The following KCMF1 variants were observed in gnomAD, a reference collection of about 807,000 sequenced individuals.
The protein encoded by KCMF1 is E3 ubiquitin-protein ligase KCMF1.
A neutral mutation model predicts 41.1 loss-of-function variants in KCMF1; 3 were observed. That is an observed-to-expected ratio of 0.07 (90% confidence interval 0.03 to 0.19). The LOEUF (loss-of-function observed/expected upper bound fraction) is 0.19. Ranked by LOEUF, KCMF1 falls within the 10% of genes least tolerant of loss-of-function variation. The pLI, the probability that KCMF1 is intolerant of heterozygous loss-of-function variation, is 1.00. For synonymous variants in KCMF1, 142 were observed against 164.5 expected (o/e 0.86, Z 1.04); for missense variants, 286 against 488.9 (o/e 0.58, Z 3.91).
chr2:84,993,548 A>ATTATTTAT (rs148006042), intron 1 of KCMF1, among the ~76,000 whole-genome samples: 10,123 of 145,980 alleles, frequency 0.069, 514 homozygotes, highest in East Asian at 0.26. Context: ...CTCTACCCCC[A>ATTATTTAT]TTATTTATTT....
chr2:84,993,468 A>T (rs954040693), intron 1 of KCMF1, among the ~76,000 whole-genome samples: 4 of 152,102 alleles, frequency 2.6e-5, no homozygotes, highest in African/African-American at 7.2e-5. Flanking sequence ...CGAGATTAAC[A>T]CATAGTTGAT....
chr2:84,999,143 C>T (rs1674266415), intron 1 of KCMF1, among the ~76,000 whole-genome samples: 1 of 151,438 alleles, frequency 6.6e-6, no homozygotes. Context: ...CTGCGCCTGG[C>T]CTCTTATTTA....
At chr2:85,030,978 G>C (rs574606243) in intron 2 of KCMF1, among the ~76,000 whole-genome samples, 1 of 152,180 alleles carries the variant, frequency 6.6e-6, no homozygotes, top group Admixed American at 6.5e-5. Context: ...GATTGCAGGC[G>C]TGAGCCACCA....
At chr2:85,052,448 A>C (rs1385579406) in intron 6 of KCMF1, among the ~76,000 whole-genome samples, 1 of 152,136 alleles carries the variant, frequency 6.6e-6, no homozygotes, top group Admixed American at 6.5e-5. Flanking sequence ...TTGCAGTTTC[A>C]TTTATATCCT....
At chr2:85,013,182 T>A (rs1307637077) in intron 1 of KCMF1, among the ~76,000 whole-genome samples, 1 of 152,218 alleles carries the variant, frequency 6.6e-6, no homozygotes, top group Non-Finnish European at 1.5e-5. Context: ...CTTATCCTTA[T>A]TCCCCATTTA....
chr2:85,031,204 G>A (rs893816844), intron 2 of KCMF1, among the ~76,000 whole-genome samples: 7 of 152,152 alleles, frequency 4.6e-5, no homozygotes, highest in African/African-American at 7.2e-5. Context: ...GAATTATGTC[G>A]AATCGGTAGA....
At chr2:85,036,201 C>T (rs1675399138) in intron 3 of KCMF1, among the ~76,000 whole-genome samples, 2 of 152,200 alleles carry the variant, frequency 1.3e-5, no homozygotes, top group South Asian at 4.1e-4. Flanking sequence ...TTTTTATAGA[C>T]ATCAAGCCAA....
At position 85,059,131 on chromosome 2, in the gene KCMF1, C is replaced by G. The variant is rs1269769328; in HGVS notation, c.*5722C>G. On this transcript the variant is annotated 3_prime_UTR_variant, in exon 7 of 7. Transcript: ENST00000409785. ...TAGTCATGAAAGCTATTCTGGCCAG[C>G]CTTGAATCCATTTAATTTTGCCCAC... 2.0e-5 allele frequency: 3 copies of G among 152,122 alleles called. No individual in the cohort carries two copies. 9.4% of individuals were successfully genotyped at this position (152,122 alleles called of 1,614,324 possible). A position where few individuals can be genotyped will look rare whatever the true frequency, so the allele number is the denominator to read the frequency against.
intron 1 of KCMF1, among the ~76,000 whole-genome samples, chr2:85,009,569 C>G (rs1219187275): frequency 6.6e-6 from 1 of 152,098 alleles, no homozygotes; most frequent in East Asian, 1.9e-4. Context: ...TATTTCCTCC[C>G]TTCCATTTTT....
At chr2:85,035,272 A>G (rs537077518) in intron 3 of KCMF1, 117 bp downstream of exon 3, 1 of 924,624 alleles carries the variant, frequency 1.1e-6, no homozygotes, top group East Asian at 2.8e-5. Flanking sequence ...TACCGTTTGC[A>G]TAGTTATTAA....
At chr2:85,051,388 T>A (rs1675805314) in intron 6 of KCMF1, among the ~76,000 whole-genome samples, 1 of 151,758 alleles carries the variant, frequency 6.6e-6, no homozygotes, top group Admixed American at 6.6e-5. Flanking sequence ...GTCTTGCCAG[T>A]GCCCTTTGGA....
intron 1 of KCMF1, among the ~76,000 whole-genome samples, chr2:85,003,680 C>G (rs954915760): frequency 3.3e-5 from 5 of 152,006 alleles, no homozygotes; most frequent in Non-Finnish European, 7.4e-5. Context: ...TCTCAAACTC[C>G]TGGGCTCTAG....
intron 1 of KCMF1, among the ~76,000 whole-genome samples, chr2:85,005,773 A>C (rs1443963558): frequency 6.6e-6 from 1 of 152,022 alleles, no homozygotes; most frequent in Non-Finnish European, 1.5e-5. Flanking sequence ...GCCTCACAAA[A>C]TGCTGGGATT....
intron 1 of KCMF1, among the ~76,000 whole-genome samples, chr2:84,988,937 G>C (rs953030411): frequency 1.3e-5 from 2 of 152,144 alleles, no homozygotes; most frequent in African/African-American, 4.8e-5. Context: ...CTATGATCTG[G>C]TAAATCTTTA....
At chr2:84,996,429 G>GTTTTTTT (rs1316713818) in intron 1 of KCMF1, among the ~76,000 whole-genome samples, 1 of 140,860 alleles carries the variant, frequency 7.1e-6, no homozygotes, top group African/African-American at 2.8e-5. Flanking sequence ...AATAACCTAA[G>GTTTTTTT]ATTTTTTTTT....
At chr2:85,043,237 T>TA (rs1675584624) in intron 3 of KCMF1, among the ~76,000 whole-genome samples, 1 of 152,226 alleles carries the variant, frequency 6.6e-6, no homozygotes, top group Non-Finnish European at 1.5e-5. Context: ...AGACTGGACT[T>TA]ACACGTAAAT....
chr2:84,976,573 A>T (rs1673550559), intron 1 of KCMF1, among the ~76,000 whole-genome samples: 1 of 151,720 alleles, frequency 6.6e-6, no homozygotes, highest in Non-Finnish European at 1.5e-5. Flanking sequence ...AGCCGGTTGC[A>T]GTGATGTGCA....
intron 2 of KCMF1, among the ~76,000 whole-genome samples, chr2:85,032,583 G>A (rs1675303021): frequency 6.6e-6 from 1 of 152,032 alleles, no homozygotes; most frequent in South Asian, 2.1e-4. Flanking sequence ...CACCATGTTG[G>A]CCAGGCTAGT....
rs1574033234 is a variant in KCMF1 at position 85,028,143 on chromosome 2, A to T, written c.184+87A>T. The T allele has an allele frequency of 2.2e-5, 17 of 772,324 alleles. No homozygotes were observed. The East Asian group carries it at 4.5e-4, about 21-fold the overall frequency. 47.8% of individuals were successfully genotyped at this position (772,324 alleles called of 1,614,324 possible). A position where few individuals can be genotyped will look rare whatever the true frequency, so the allele number is the denominator to read the frequency against. Reference sequence around the variant, plus strand: ...AAGGCAAAGTGTTCTAAAACTCCCCAGCAGCATACCATAAGCCCCAAATTC... The same window carrying T: ...AAGGCAAAGTGTTCTAAAACTCCCCTGCAGCATACCATAAGCCCCAAATTC... On this transcript the variant is annotated intron_variant, in intron 2 of 6. Coordinates refer to ENST00000409785, the MANE Select transcript of KCMF1 (RefSeq NM_020122.5).
Sources: allele counts gnomAD v4.1 joint callset (sites outside exome capture counted in the v4.1 genomes callset), GRCh38; gene constraint gnomAD v4.1.1; transcripts MANE v1.5; gene names NCBI Gene and HGNC (gene_info 2026-07-23, HGNC 2026-07-21).